Variants in GFRA1 observed in about 807,000 individuals in gnomAD.
GFRA1 encodes the protein GDNF family receptor alpha 1, also known as GDNF family receptor alpha-1.
GFRA1 carries 16 observed loss-of-function variants against 51.6 expected under a neutral mutation model. The ratio of observed to expected loss-of-function variants is 0.31; its 90% CI spans 0.21 to 0.47. The LOEUF is 0.47. Among genes scored for constraint, GFRA1 ranks in the 20% least tolerant of loss-of-function variants. The pLI, the probability that GFRA1 is intolerant of heterozygous loss-of-function variation, is 1.00. For synonymous variants in GFRA1, 270 were observed against 241.3 expected, an observed-to-expected ratio of 1.12 and a Z score of -1.10; for missense variants, 530 against 594.3, an observed-to-expected ratio of 0.89 and a Z score of 1.13.
chr10:116,074,412 A>G (rs763428970), intron 9 of GFRA1, among the ~76,000 whole-genome samples: 2 of 152,214 alleles, frequency 1.3e-5, no homozygotes, highest in South Asian at 2.1e-4. Context: ...CACAGCCAGC[A>G]TGGACAGAGA....
chr10:116,248,487 C>T (rs1421920189), intron 4 of GFRA1, among the ~76,000 whole-genome samples: 1 of 152,224 alleles, frequency 6.6e-6, no homozygotes, highest in African/African-American at 2.4e-5. Context: ...TCACCTTCTG[C>T]ACTTTCACTA....
chr10:116,268,256 T>C (rs1969829467), intron 4 of GFRA1, among the ~76,000 whole-genome samples: 1 of 152,216 alleles, frequency 6.6e-6, no homozygotes, highest in Non-Finnish European at 1.5e-5. Context: ...GATTTGGGGC[T>C]GTTTCCCTAA....
Position 116,272,445 on chromosome 10 carries a change from A to G in GFRA1, c.-246-170T>C, listed in dbSNP as rs1043441338. On this transcript the variant is annotated intron_variant, in intron 1 of 10. Transcript: ENST00000355422. The surrounding 1 kb of genome is among the most constrained non-coding windows in gnomAD (Gnocchi z 4.4). ...TGCGTGTTTTCCAGGGGCCGCTGAC[A>G]CGGGGATGGAGGTGAGGGCTGGAGA... 2 of 307,040 alleles carry G rather than the reference A, an allele frequency of 6.5e-6. No individual in the cohort carries two copies. The highest frequency in any genetic ancestry group is 4.3e-5 in the African/African-American group (2 of 46,790). 19.0% of individuals were successfully genotyped at this position (307,040 alleles called of 1,614,324 possible). A position where few individuals can be genotyped will look rare whatever the true frequency, so the allele number is the denominator to read the frequency against.
intron 4 of GFRA1, among the ~76,000 whole-genome samples, chr10:116,233,466 T>C (rs1399601602): frequency 6.6e-6 from 1 of 152,114 alleles, no homozygotes; most frequent in Non-Finnish European, 1.5e-5. Flanking sequence ...GCAATCAAGT[T>C]TATGATTTCC....
At chr10:116,175,412 G>A (rs1961486393) in intron 5 of GFRA1, among the ~76,000 whole-genome samples, 1 of 152,194 alleles carries the variant, frequency 6.6e-6, no homozygotes, top group Non-Finnish European at 1.5e-5. Context: ...GAGCTCAGCA[G>A]GCTGCCTTCC....
intron 5 of GFRA1, among the ~76,000 whole-genome samples, chr10:116,189,729 A>AT (rs1346605065): frequency 6.6e-6 from 1 of 152,098 alleles, no homozygotes; most frequent in Non-Finnish European, 1.5e-5. Flanking sequence ...TTTGAGTTTG[A>AT]TTTTCTATTA....
rs189419538 is a variant in GFRA1, at chr10:116,210,761, A to T, written c.433+870T>A. 1.6e-4 allele frequency among the ~76,000 whole-genome samples: 25 copies of T among 152,286 alleles called. No individual in the cohort carries two copies. The East Asian group carries it at 3.5e-3, about 21-fold the overall frequency. ...AGCTATTTATGGAATGCCTGGGTGT[A>T]TTTTTAAACCAGTCTCTTTTATTGT... is the stretch of plus-strand genomic sequence containing the variant. On this transcript the variant is annotated intron_variant, in intron 5 of 10. Coordinates refer to ENST00000355422, the MANE Select transcript of GFRA1 (RefSeq NM_005264.8).
intron 5 of GFRA1, 65 bp from the exon 6 acceptor site, chr10:116,125,622 TTTAA>T: frequency 7.9e-7 from 1 of 1,270,414 alleles, no homozygotes; most frequent in South Asian, 1.3e-5. Flanking sequence ...CCTACTCTGT[TTTAA>T]TTGAGATCCT....
Position 116,058,393 on chromosome 10 carries a change from G to C in GFRA1, c.*6005C>G, listed in dbSNP as rs552783935. On this transcript the variant is annotated 3_prime_UTR_variant, in exon 11 of 11. Transcript: ENST00000355422. Reference sequence around the variant, plus strand: ...GCACCATGGCCGGTACCTGACAGCTGTGACTTCCCCGCCGCTGTGCCTACC... The same window carrying C: ...GCACCATGGCCGGTACCTGACAGCTCTGACTTCCCCGCCGCTGTGCCTACC... The C allele has an allele frequency of 2.6e-5, 4 of 152,416 alleles. No homozygotes were observed. In the East Asian group the frequency reaches 7.8e-4, roughly 30 times the overall value. 9.4% of individuals were successfully genotyped at this position (152,416 alleles called of 1,614,324 possible). A position where few individuals can be genotyped will look rare whatever the true frequency, so the allele number is the denominator to read the frequency against.
chr10:116,178,227 T>G (rs190617221), intron 5 of GFRA1, among the ~76,000 whole-genome samples: 3 of 148,714 alleles, frequency 2.0e-5, no homozygotes, highest in Non-Finnish European at 4.5e-5. Context: ...CTATTTGTTT[T>G]GCATCCCCTA....
intron 5 of GFRA1, among the ~76,000 whole-genome samples, chr10:116,138,528 T>C (rs17094205): frequency 0.05 from 7,674 of 152,200 alleles, 646 homozygotes; most frequent in African/African-American, 0.17. Context: ...AGGTTTTCTT[T>C]GCCCATGTTT....
At chr10:116,089,974 C>T in intron 8 of GFRA1, 52 bp from the exon 9 acceptor site, 1 of 1,501,330 alleles carries the variant, frequency 6.7e-7, no homozygotes, top group South Asian at 1.2e-5. Flanking sequence ...GCAAACGTAA[C>T]AGACAGGATA....
chr10:116,089,561 C>G (rs1030176044), intron 9 of GFRA1, among the ~76,000 whole-genome samples, 180 bp downstream of exon 9: 3 of 152,198 alleles, frequency 2.0e-5, no homozygotes, highest in African/African-American at 7.2e-5. Context: ...GTCGGACTTT[C>G]TCTGCACTAT....
Position 116,272,224 on chromosome 10 carries a change from A to T in GFRA1, c.-195T>A, listed in dbSNP as rs1844016004. 1 of 627,848 alleles carries T rather than the reference A, an allele frequency of 1.6e-6. No individual in the cohort carries two copies. Among genetic ancestry groups the T allele is most frequent in the Non-Finnish European group, 2.8e-6 (1 of 352,668 alleles). 38.9% of individuals were successfully genotyped at this position (627,848 alleles called of 1,614,324 possible). Reference sequence around the variant, plus strand: ...CCGCCGCCGGCGACTCAGCTCCGGGATGGCGAGGGCGGGAGGCGGTTCCGC... The same window carrying T: ...CCGCCGCCGGCGACTCAGCTCCGGGTTGGCGAGGGCGGGAGGCGGTTCCGC... On this transcript the variant is annotated 5_prime_UTR_variant, in exon 2 of 11. Coordinates refer to ENST00000355422, the MANE Select transcript of GFRA1 (RefSeq NM_005264.8). The surrounding 1 kb of genome is among the most constrained non-coding windows in gnomAD (Gnocchi z 4.4).
At chr10:116,212,563 CACAT>C (rs1965280731) in intron 4 of GFRA1, among the ~76,000 whole-genome samples, 2 of 128,370 alleles carry the variant, frequency 1.6e-5, no homozygotes, top group African/African-American at 6.4e-5. Flanking sequence ...CACACACACA[CACAT>C]CTAGTTAAAA....
rs1198023532 is a variant in GFRA1 at position 116,064,068 on chromosome 10, A to G, written c.*330T>C. 6.5e-6 allele frequency: 1 copy of G among 153,596 alleles called. No homozygotes were observed. Among genetic ancestry groups the G allele is most frequent in the Admixed American group, 9.1e-5 (1 of 10,988 alleles). 9.5% of individuals were successfully genotyped at this position (153,596 alleles called of 1,614,324 possible). ...CATCATGATCATGATGATCATCATCATGATCATGATGATCATCATCATGAT... is the reference window on the plus strand; with the variant it reads ...CATCATGATCATGATGATCATCATCGTGATCATGATGATCATCATCATGAT... On this transcript the variant is annotated 3_prime_UTR_variant, in exon 11 of 11. Transcript: ENST00000355422.
intron 5 of GFRA1, among the ~76,000 whole-genome samples, chr10:116,204,864 C>T (rs1964607991): frequency 6.6e-6 from 1 of 152,100 alleles, no homozygotes; most frequent in Non-Finnish European, 1.5e-5. Flanking sequence ...GAGCATAACT[C>T]CCCACTCCTT....
At chr10:116,084,322 T>C (rs1456838761) in intron 9 of GFRA1, among the ~76,000 whole-genome samples, 2 of 152,242 alleles carry the variant, frequency 1.3e-5, no homozygotes, top group Non-Finnish European at 1.5e-5. Context: ...TCTAGAATGC[T>C]GTTTTAAAAG....
chr10:116,077,833 C>A (rs1426160828), intron 9 of GFRA1, among the ~76,000 whole-genome samples: 1 of 152,198 alleles, frequency 6.6e-6, no homozygotes, highest in Admixed American at 6.5e-5. Flanking sequence ...ATGGCAGCTG[C>A]CTTTTGCCAA....
Sources: gnomAD v4.1 joint callset for allele counts (sites outside exome capture counted in the v4.1 genomes callset) on GRCh38, gnomAD v4.1.1 for gene constraint, Gnocchi (gnomAD v3.1) non-coding constraint, MANE v1.5 for transcripts, NCBI Gene and HGNC (gene_info 2026-07-23, HGNC 2026-07-21) for gene names.